Variants in RPS6KC1 observed in about 807,000 individuals in gnomAD.
The protein encoded by RPS6KC1 is inactive ribosomal protein S6 kinase delta-1.
A neutral mutation model predicts 103.8 loss-of-function variants in RPS6KC1; 54 were observed. The ratio of observed to expected loss-of-function variants is 0.52; its 90% confidence interval spans 0.42 to 0.65. RPS6KC1 has a LOEUF of 0.65. RPS6KC1 is among the 30% of genes least tolerant of loss of function. RPS6KC1 has a pLI of 0.00. For missense variants in RPS6KC1, 1,151 were observed against 1,253.8 expected, an observed-to-expected ratio of 0.92 and a Z score of 1.24; for synonymous variants, 439 against 438.7, an observed-to-expected ratio of 1.00 and a Z score of -0.01.
At chr1:213,222,012 T>C (rs1031679513) in intron 8 of RPS6KC1, among the ~76,000 whole-genome samples, 2 of 152,226 alleles carry the variant, frequency 1.3e-5, no homozygotes, top group East Asian at 3.8e-4. Context: ...TATTTCCTTT[T>C]GTTCTAAATT....
the RPS6KC1 span, among the ~76,000 whole-genome samples, chr1:213,484,348 TG>T: frequency 6.6e-6 from 1 of 152,188 alleles, no homozygotes; most frequent in Admixed American, 6.5e-5. Context: ...AAGGCTTTAA[TG>T]GGGAAGGATC....
chr1:213,472,409 A>T, the RPS6KC1 span, among the ~76,000 whole-genome samples: 2 of 152,224 alleles, frequency 1.3e-5, no homozygotes, highest in Non-Finnish European at 2.9e-5. Context: ...TCCCAGCTTG[A>T]CATTACATTG....
the RPS6KC1 span, among the ~76,000 whole-genome samples, chr1:213,487,968 C>A: frequency 6.6e-6 from 1 of 152,220 alleles, no homozygotes; most frequent in Non-Finnish European, 1.5e-5. Flanking sequence ...TCTCCCTCCC[C>A]ATTCCTTTGA....
the RPS6KC1 span, among the ~76,000 whole-genome samples, chr1:213,556,692 A>G: frequency 1.3e-5 from 2 of 152,242 alleles, no homozygotes; most frequent in African/African-American, 4.8e-5. Flanking sequence ...GGCATCAGAC[A>G]TTATCATCAT....
At chr1:213,481,770 G>T in the RPS6KC1 span, among the ~76,000 whole-genome samples, 2 of 152,084 alleles carry the variant, frequency 1.3e-5, no homozygotes, top group Non-Finnish European at 2.9e-5. Context: ...AATGTGCTAT[G>T]ATTATACATA....
chr1:213,835,663 T>A, the RPS6KC1 span, among the ~76,000 whole-genome samples: 1 of 152,170 alleles, frequency 6.6e-6, no homozygotes, highest in African/African-American at 2.4e-5. Context: ...AACTCTCAGT[T>A]CCAGGCTCAC....
the RPS6KC1 span, among the ~76,000 whole-genome samples, chr1:213,659,520 T>C: frequency 6.6e-6 from 1 of 152,098 alleles, no homozygotes; most frequent in African/African-American, 2.4e-5. Context: ...AAAATGGTCA[T>C]CATCACGTAC....
At chr1:213,122,254 T>A (rs1199239133) in intron 5 of RPS6KC1, among the ~76,000 whole-genome samples, 1 of 152,184 alleles carries the variant, frequency 6.6e-6, no homozygotes, top group Non-Finnish European at 1.5e-5. Context: ...AATAATTCTT[T>A]ACGGTGTGTA....
Position 213,136,156 on chromosome 1 carries a change from T to C in RPS6KC1, c.835+6267T>C, listed in dbSNP as rs2086247752. Among the ~76,000 whole-genome samples the C allele has an allele frequency of 2.0e-5, 3 of 152,190 alleles. No individual in the cohort carries two copies. In the South Asian group the frequency reaches 6.2e-4, roughly 32 times the overall value. ...GTATTTGCTATCCCCTTTCTCTTAT[T>C]TGATTTTATCTTCATGGCATGAAAG... On this transcript the variant is annotated intron_variant, in intron 6 of 14. Coordinates refer to ENST00000366960, the MANE Select transcript of RPS6KC1 (RefSeq NM_012424.6).
At chr1:213,268,308 C>T (rs1163651243) in intron 14 of RPS6KC1, among the ~76,000 whole-genome samples, 1 of 151,580 alleles carries the variant, frequency 6.6e-6, no homozygotes, top group Non-Finnish European at 1.5e-5. Flanking sequence ...CAGCAGTAAA[C>T]CAAGAATTCA....
At chr1:213,793,393 A>G in the RPS6KC1 span, among the ~76,000 whole-genome samples, 3 of 152,342 alleles carry the variant, frequency 2.0e-5, no homozygotes, top group East Asian at 1.9e-4. Context: ...CCGTGCTCCC[A>G]CATGAGGCCC....
intron 8 of RPS6KC1, among the ~76,000 whole-genome samples, chr1:213,229,971 T>C (rs532031787): frequency 6.6e-6 from 1 of 152,164 alleles, no homozygotes; most frequent in Non-Finnish European, 1.5e-5. Flanking sequence ...GAGTTCAGAT[T>C]CTGGATACAT....
chr1:213,164,774 G>T (rs1572954103), intron 6 of RPS6KC1, among the ~76,000 whole-genome samples: 1 of 152,274 alleles, frequency 6.6e-6, no homozygotes, highest in South Asian at 2.1e-4. Context: ...TTGCTATGTT[G>T]CCCAGGCTTG....
chr1:213,698,734 G>T, the RPS6KC1 span, among the ~76,000 whole-genome samples: 1 of 151,646 alleles, frequency 6.6e-6, no homozygotes, highest in Non-Finnish European at 1.5e-5. Context: ...CCTTGTTCTT[G>T]GTTTTCTTTT....
At chr1:213,332,853 A>T in the RPS6KC1 span, among the ~76,000 whole-genome samples, 1 of 152,192 alleles carries the variant, frequency 6.6e-6, no homozygotes, top group Admixed American at 6.5e-5. Flanking sequence ...GACAAAAATG[A>T]TACAAGCCCC....
At chr1:213,403,578 T>C in the RPS6KC1 span, among the ~76,000 whole-genome samples, 1 of 152,162 alleles carries the variant, frequency 6.6e-6, no homozygotes, top group African/African-American at 2.4e-5. Flanking sequence ...TGTTTCCTAT[T>C]TGCAGCCTTG....
At chr1:213,553,143 C>T in the RPS6KC1 span, among the ~76,000 whole-genome samples, 1 of 152,232 alleles carries the variant, frequency 6.6e-6, no homozygotes, top group South Asian at 2.1e-4. Context: ...GATAGTTTTG[C>T]AATCCTCATT....
chr1:213,577,043 GT>G, the RPS6KC1 span, among the ~76,000 whole-genome samples: 4 of 152,162 alleles, frequency 2.6e-5, no homozygotes, highest in Non-Finnish European at 5.9e-5. Flanking sequence ...CATTGATATG[GT>G]TTGGCTGTAT....
At chr1:213,542,772 A>G in the RPS6KC1 span, among the ~76,000 whole-genome samples, 1 of 152,354 alleles carries the variant, frequency 6.6e-6, no homozygotes, top group African/African-American at 2.4e-5. Context: ...AATTTTTAAC[A>G]CCATATAATA....
Sources: gnomAD v4.1 joint callset for allele counts (sites outside exome capture counted in the v4.1 genomes callset) on GRCh38, gnomAD v4.1.1 for gene constraint, MANE v1.5 for transcripts, NCBI Gene and HGNC (gene_info 2026-07-23, HGNC 2026-07-21) for gene names.